THEM4: variants seen among roughly 807,000 people sequenced by gnomAD.
THEM4 encodes thioesterase superfamily member 4, also known as acyl-coenzyme A thioesterase THEM4.
Under a neutral mutation model 25.0 loss-of-function variants are expected in THEM4, and 22 were observed. The observed-to-expected ratio is 0.88, with a 90% CI of 0.63 to 1.26. The LOEUF (loss-of-function observed/expected upper bound fraction) is 1.26. Ranked by LOEUF, THEM4 falls within the 50% of genes most tolerant of loss-of-function variation. The pLI is 0.00. For synonymous variants in THEM4, 113 were observed against 105.6 expected, an observed-to-expected ratio of 1.07 and a Z score of -0.43; for missense variants, 286 against 300.3, an observed-to-expected ratio of 0.95 and a Z score of 0.35.
At chr1:151,876,930 C>T (rs1291193914) in intron 5 of THEM4, 71 bp downstream of exon 5, 1 of 1,517,072 alleles carries the variant, frequency 6.6e-7, no homozygotes, top group East Asian at 2.3e-5. Context: ...AATCAACCAA[C>T]CAACCAACCA....
At chr1:151,882,299 G>T (rs143817432) in intron 4 of THEM4, among the ~76,000 whole-genome samples, 1 of 150,590 alleles carries the variant, frequency 6.6e-6, no homozygotes, top group Non-Finnish European at 1.5e-5. Flanking sequence ...TCGCTTGAAC[G>T]CAGGAGGCGG....
At chr1:151,892,231 C>A (rs1654110076) in intron 2 of THEM4, among the ~76,000 whole-genome samples, 1 of 152,032 alleles carries the variant, frequency 6.6e-6, no homozygotes, top group Admixed American at 6.5e-5. Flanking sequence ...GAATGGAACC[C>A]TGGAAAACAT....
intron 2 of THEM4, among the ~76,000 whole-genome samples, chr1:151,894,026 AT>A (rs1051480299): frequency 2.6e-5 from 4 of 151,688 alleles, no homozygotes; most frequent in Admixed American, 1.3e-4. Context: ...GGCCCAACTA[AT>A]TTTTTTTGTA....
chr1:151,898,584 C>T lies in THEM4; in HGVS notation c.100-3390G>A, dbSNP rs190845341. Among the ~76,000 whole-genome samples the T allele has an allele frequency of 5.1e-4, 78 of 152,358 alleles. No homozygotes were observed. The South Asian group carries it at 8.5e-3, about 17-fold the overall frequency. On this transcript the variant is annotated intron_variant, in intron 1 of 5. Transcript: ENST00000368814. Reference sequence around the variant, plus strand: ...CCACCGGTCCCTCACCATACTGCTACAGCTGATGCTTTCTGGAAAGTGCCA... The same window carrying T: ...CCACCGGTCCCTCACCATACTGCTATAGCTGATGCTTTCTGGAAAGTGCCA...
At chr1:151,899,169 A>T (rs1469011676) in intron 1 of THEM4, among the ~76,000 whole-genome samples, 3 of 152,200 alleles carry the variant, frequency 2.0e-5, no homozygotes, top group Non-Finnish European at 4.4e-5. Flanking sequence ...GGCAAAGCCC[A>T]ATGCAAGGAA....
intron 1 of THEM4, among the ~76,000 whole-genome samples, chr1:151,897,147 T>C (rs1329034467): frequency 3.3e-5 from 5 of 152,226 alleles, no homozygotes. Context: ...AACTGGCTTT[T>C]TGGACTGCTG....
intron 1 of THEM4, among the ~76,000 whole-genome samples, chr1:151,899,222 G>A (rs1271249502): frequency 6.6e-6 from 1 of 152,226 alleles, no homozygotes; most frequent in Non-Finnish European, 1.5e-5. Context: ...GCCAGGTGTG[G>A]TGACTCACGC....
chr1:151,883,061 G>C (rs1356357201), intron 4 of THEM4, among the ~76,000 whole-genome samples: 1 of 151,850 alleles, frequency 6.6e-6, no homozygotes, highest in African/African-American at 2.4e-5. Context: ...GAGAGAGAGA[G>C]AGAGAGAGTG....
At chr1:151,881,964 T>C (rs1653829237) in intron 4 of THEM4, among the ~76,000 whole-genome samples, 1 of 152,244 alleles carries the variant, frequency 6.6e-6, no homozygotes, top group Non-Finnish European at 1.5e-5. Flanking sequence ...TCTTTTTATT[T>C]GTCCACTATA....
intron 1 of THEM4, among the ~76,000 whole-genome samples, chr1:151,907,605 G>C (rs1654500221): frequency 6.6e-6 from 1 of 152,164 alleles, no homozygotes; most frequent in Non-Finnish European, 1.5e-5. Flanking sequence ...ACTCAATAAA[G>C]TTCTCCTGTC....
At chr1:151,892,979 C>T (rs531329667) in intron 2 of THEM4, among the ~76,000 whole-genome samples, 5 of 152,252 alleles carry the variant, frequency 3.3e-5, no homozygotes, top group African/African-American at 1.2e-4. Context: ...TATGTTCAAA[C>T]AGAAAGGAGT....
In THEM4 at chr1:151,893,426, AAGAGAG is replaced by A. The variant is rs3071185; in HGVS notation, c.286+1576_286+1581del. On this transcript the variant is annotated intron_variant, in intron 2 of 5. Transcript: ENST00000368814. Reference sequence around the variant, plus strand: ...AACAAAACAAAAAAACCCAAAACAAAAGAGAGAGAGAGAGAGAGACTGGGAAGAGAG... The same window carrying A: ...AACAAAACAAAAAAACCCAAAACAAAAGAGAGAGAGAGACTGGGAAGAGAG... Among the ~76,000 whole-genome samples, 1,215 of 146,978 alleles carry A rather than the reference AAGAGAG, an allele frequency of 8.3e-3. 18 individuals are homozygous for A. The highest frequency in any genetic ancestry group is 0.029 in the African/African-American group (1,162 of 39,854).
chr1:151,873,174 G>T lies in THEM4; in HGVS notation c.*1714C>A, dbSNP rs2338201. ...GGAGAGAAGCATAAATCTGGCCTAC[G>T]TACACATCTGGGCATAGTACCTTCC... On this transcript the variant is annotated 3_prime_UTR_variant, in exon 6 of 6. Transcript: ENST00000368814. Among the ~76,000 whole-genome samples the T allele has an allele frequency of 6.6e-6, 1 of 151,912 alleles. No homozygotes were observed. The highest frequency in any genetic ancestry group is 1.5e-5 in the Non-Finnish European group (1 of 67,994).
chr1:151,896,590 G>C (rs1448346422), intron 1 of THEM4, among the ~76,000 whole-genome samples: 1 of 152,144 alleles, frequency 6.6e-6, no homozygotes, highest in Non-Finnish European at 1.5e-5. Flanking sequence ...GCAAGAATAG[G>C]GGCAGATGGC....
intron 1 of THEM4, among the ~76,000 whole-genome samples, chr1:151,902,860 T>C (rs1181959809): frequency 1.3e-5 from 2 of 151,966 alleles, no homozygotes; most frequent in African/African-American, 2.4e-5. Context: ...AGATGGTGTG[T>C]GCCTGTGGTC....
chr1:151,899,721 G>T (rs1253107132), intron 1 of THEM4, among the ~76,000 whole-genome samples: 1 of 152,134 alleles, frequency 6.6e-6, no homozygotes, highest in Non-Finnish European at 1.5e-5. Flanking sequence ...TAAAAGCTTG[G>T]AAAACATATT....
intron 1 of THEM4, among the ~76,000 whole-genome samples, chr1:151,896,373 A>G (rs778220228): frequency 2.0e-5 from 3 of 152,126 alleles, no homozygotes; most frequent in Non-Finnish European, 2.9e-5. Context: ...TAGAAATGTG[A>G]GTCAATTAAA....
At chr1:151,887,118 T>C (rs1364917867) in intron 4 of THEM4, among the ~76,000 whole-genome samples, 1 of 152,088 alleles carries the variant, frequency 6.6e-6, no homozygotes, top group African/African-American at 2.4e-5. Context: ...CAATGACTAA[T>C]CCAAAAAGGA....
At chr1:151,897,702 C>T (rs1654254228) in intron 1 of THEM4, among the ~76,000 whole-genome samples, 1 of 152,152 alleles carries the variant, frequency 6.6e-6, no homozygotes. Context: ...CAAGAGGACC[C>T]ACAGACCCTC....
Sources: gnomAD v4.1 joint callset for allele counts (sites outside exome capture counted in the v4.1 genomes callset) on GRCh38, gnomAD v4.1.1 for gene constraint, MANE v1.5 for transcripts, NCBI Gene and HGNC (gene_info 2026-07-23, HGNC 2026-07-21) for gene names.